Variants in HIVEP1 observed in about 807,000 individuals in gnomAD.
HIVEP1 encodes the protein HIVEP zinc finger 1.
Under a neutral mutation model 180.0 loss-of-function variants are expected in HIVEP1, and 36 were observed. That is an observed-to-expected ratio of 0.20 (90% CI 0.15 to 0.26). The LOEUF (loss-of-function observed/expected upper bound fraction) is 0.26, where lower values mean the gene tolerates loss of function less well. HIVEP1 is among the 10% of genes least tolerant of loss of function. The pLI is 1.00. For missense variants in HIVEP1, 3,143 were observed against 3,268.7 expected (o/e 0.96, Z 0.94); for synonymous variants, 1,239 against 1,239.0 (o/e 1.00, Z 0.00).
chr6:12,129,363 T>A (rs9357299), intron 4 of HIVEP1, among the ~76,000 whole-genome samples: 2 of 152,082 alleles, frequency 1.3e-5, no homozygotes, highest in Non-Finnish European at 2.9e-5. Context: ...AGTAGCTAGC[T>A]CTTTTCCATC....
chr6:12,073,209 T>C (rs1160358481), intron 2 of HIVEP1, among the ~76,000 whole-genome samples: 1 of 152,204 alleles, frequency 6.6e-6, no homozygotes, highest in Non-Finnish European at 1.5e-5. Context: ...AAATAGAAGA[T>C]GTTTGCTTGG....
rs6908486 is a variant in HIVEP1 at position 12,027,107 on chromosome 6, G to A, written c.40+11439G>A. 4.8e-3 allele frequency among the ~76,000 whole-genome samples: 734 copies of A among 152,260 alleles called. 5 individuals are homozygous for A. Among genetic ancestry groups the A allele is most frequent in the African/African-American group, 0.017 (688 of 41,562 alleles). On this transcript the variant is annotated intron_variant, in intron 2 of 8. Transcript: ENST00000379388. ...GAGTTGAGTGGCTGTTTGTGGTCACGAAGCCTAAAATATTTACTATTTAAT... is the reference window on the plus strand; with the variant it reads ...GAGTTGAGTGGCTGTTTGTGGTCACAAAGCCTAAAATATTTACTATTTAAT...
rs200818014 is a variant in HIVEP1, at chr6:12,123,299, G to A, written c.3504G>A (p.Thr1168=). 12 of 1,614,100 alleles carry A rather than the reference G, an allele frequency of 7.4e-6. No homozygotes were observed. Among genetic ancestry groups the A allele is most frequent in the Middle Eastern group, 1.6e-4 (1 of 6,062 alleles). Residue 1168 remains threonine (T), a synonymous_variant, in exon 4 of 9, where the codon ACG becomes ACA. Transcript: ENST00000379388. The part of the protein sequence containing the change: ...SPVSFQELNR[T]GKSGSLKVIG... ...TTTCTTTCCAGGAGCTGAATAGAAC[G>A]GGGAAGTCCGGGTCTCTAAAAGTGA...
the HIVEP1 span, among the ~76,000 whole-genome samples, chr6:12,195,512 C>A: frequency 6.6e-6 from 1 of 152,176 alleles, no homozygotes; most frequent in East Asian, 1.9e-4. Flanking sequence ...TGCCAGGATT[C>A]CTCTACAATT....
chr6:12,153,498 G>A (rs1321486065), intron 7 of HIVEP1, among the ~76,000 whole-genome samples: 1 of 144,844 alleles, frequency 6.9e-6, no homozygotes, highest in African/African-American at 2.6e-5. Flanking sequence ...TGCTAACTTA[G>A]GATCCAGGCT....
In HIVEP1 at chr6:12,135,849, C is replaced by T. The variant is rs770115587; in HGVS notation, c.6444C>T (p.Gly2148=). The stretch of plus-strand genomic sequence containing the variant: ...ATAGCAAGAAATGTGTGGATTTAGG[C>T]GTCTCAGTAGGTTTAATAGATGAAC... ...KAHSKKCVDL[G]VSVGLIDEQD... Residue 2148 remains glycine, a synonymous_variant, in exon 7 of 9, where the codon GGC becomes GGT. Coordinates refer to ENST00000379388, the MANE Select transcript of HIVEP1 (RefSeq NM_002114.4). 6.8e-6 allele frequency: 11 copies of T among 1,611,828 alleles called. No individual in the cohort carries two copies. Among genetic ancestry groups the T allele is most frequent in the East Asian group, 2.2e-5 (1 of 44,804 alleles).
intron 2 of HIVEP1, among the ~76,000 whole-genome samples, chr6:12,021,179 C>T (rs1215178686): frequency 6.6e-6 from 1 of 152,204 alleles, no homozygotes; most frequent in African/African-American, 2.4e-5. Context: ...AGCCACCGCA[C>T]CCGGCCCAGA....
At chr6:12,154,430 G>A (rs1362088026) in intron 7 of HIVEP1, among the ~76,000 whole-genome samples, 1 of 152,168 alleles carries the variant, frequency 6.6e-6, no homozygotes, top group Non-Finnish European at 1.5e-5. Context: ...CCTTAGCGTG[G>A]CTGTGCCATC....
intron 7 of HIVEP1, among the ~76,000 whole-genome samples, chr6:12,146,054 TG>T (rs1395532927): frequency 6.6e-6 from 1 of 152,190 alleles, no homozygotes. Flanking sequence ...ACAGGAGAAA[TG>T]GGGTAAACCT....
chr6:12,187,130 A>G, the HIVEP1 span, among the ~76,000 whole-genome samples: 1 of 152,192 alleles, frequency 6.6e-6, no homozygotes, highest in African/African-American at 2.4e-5. Context: ...TGGTTGAAAT[A>G]TTATCAAGTG....
At chr6:12,050,335 C>T (rs917333998) in intron 2 of HIVEP1, among the ~76,000 whole-genome samples, 6 of 152,178 alleles carry the variant, frequency 3.9e-5, no homozygotes, top group African/African-American at 9.7e-5. Context: ...CCTGTAATCC[C>T]AGCACTTTGG....
chr6:12,147,700 T>G (rs1749221690), intron 7 of HIVEP1, among the ~76,000 whole-genome samples: 1 of 152,210 alleles, frequency 6.6e-6, no homozygotes, highest in Admixed American at 6.5e-5. Flanking sequence ...ATAAAAGAAG[T>G]ACCTCAGGAC....
At chr6:12,167,834 CACATGT>C (rs1028094100), downstream of HIVEP1, among the ~76,000 whole-genome samples, 64 of 142,720 alleles carry the variant, frequency 4.5e-4, no homozygotes, top group Non-Finnish European at 7.3e-4. Context: ...ATAATATGTA[CACATGT>C]ACATGTATAG....
intron 2 of HIVEP1, among the ~76,000 whole-genome samples, chr6:12,078,605 TAA>T (rs70981660): frequency 1.7e-4 from 23 of 134,296 alleles, no homozygotes; most frequent in Middle Eastern, 3.4e-3. Context: ...GAGTCCTCCT[TAA>T]AAAAAAAAAA....
Position 12,089,153 on chromosome 6 carries a change from T to C in HIVEP1, c.41-31T>C, listed in dbSNP as rs749076708. 6.4e-6 allele frequency: 8 copies of C among 1,244,586 alleles called. No homozygotes were observed. In the South Asian group the frequency reaches 9.9e-5, roughly 15 times the overall value. 77.1% of individuals were successfully genotyped at this position (1,244,586 alleles called of 1,614,324 possible). On this transcript the variant is annotated intron_variant, in intron 2 of 8. Transcript: ENST00000379388. The stretch of plus-strand genomic sequence containing the variant: ...GTACTCTTATTTGTTTAAGGTAAAT[T>C]AATTTATAAATTTTTCTCTGTTTTT...
At chr6:12,071,577 G>A (rs968213969) in intron 2 of HIVEP1, among the ~76,000 whole-genome samples, 1 of 152,132 alleles carries the variant, frequency 6.6e-6, no homozygotes, top group African/African-American at 2.4e-5. Context: ...TTTTTAAGAA[G>A]CACTTTAAAC....
intron 2 of HIVEP1, among the ~76,000 whole-genome samples, chr6:12,075,669 C>T (rs1037371920): frequency 3.3e-5 from 5 of 151,574 alleles, no homozygotes; most frequent in Non-Finnish European, 7.4e-5. Context: ...CTCCATTTAC[C>T]TATCGTTCAG....
At chr6:12,041,383 TTGCAC>T in intron 2 of HIVEP1, among the ~76,000 whole-genome samples, 1 of 138,754 alleles carries the variant, frequency 7.2e-6, no homozygotes, top group Non-Finnish European at 1.5e-5. Flanking sequence ...GATCCCGCCA[TTGCAC>T]TCCAGCCTGG....
At chr6:12,198,594 G>T in the HIVEP1 span, among the ~76,000 whole-genome samples, 1 of 152,180 alleles carries the variant, frequency 6.6e-6, no homozygotes, top group Non-Finnish European at 1.5e-5. Context: ...AAATGATAGG[G>T]TGTGTTAGAA....
Sources: gnomAD v4.1 joint callset for allele counts (sites outside exome capture counted in the v4.1 genomes callset) on GRCh38, gnomAD v4.1.1 for gene constraint, MANE v1.5 for transcripts, NCBI Gene and HGNC (gene_info 2026-07-23, HGNC 2026-07-21) for gene names.